The following PDE10A variants were observed in gnomAD, a reference collection of about 807,000 sequenced individuals.
PDE10A encodes phosphodiesterase 10A.
In PDE10A, 39 loss-of-function variants were observed where a neutral mutation model predicts 97.7. The ratio of observed to expected loss-of-function variants is 0.40; its 90% confidence interval spans 0.31 to 0.52. The LOEUF (loss-of-function observed/expected upper bound fraction) is 0.52. PDE10A is among the 20% of genes least tolerant of loss of function. The probability of loss-of-function intolerance (pLI) is 0.56; values close to 1 mark genes in which losing one functional copy is unlikely to be tolerated. For missense variants in PDE10A, 731 were observed against 1,047.8 expected (o/e 0.70, Z 4.17); for synonymous variants, 371 against 376.8 (o/e 0.98, Z 0.18).
chr6:165,465,857 C>T (rs943921430), intron 3 of PDE10A, among the ~76,000 whole-genome samples: 1 of 152,136 alleles, frequency 6.6e-6, no homozygotes. Flanking sequence ...AAAGCCAAAC[C>T]ATATCAGGTA....
chr6:165,970,577 G>T (rs1042768196), intron 1 of PDE10A, among the ~76,000 whole-genome samples: 4 of 152,064 alleles, frequency 2.6e-5, no homozygotes, highest in Admixed American at 6.5e-5. Flanking sequence ...TTTAATAGAA[G>T]AAATGACTCC....
rs766320057 is a variant in PDE10A, at chr6:165,819,873, T to G, written c.-615+167656A>C. On this transcript the variant is annotated intron_variant, in intron 1 of 19. Transcript: ENST00000366882. This position sits in a 1 kb window ranked among gnomAD's most constrained non-coding sequence, Gnocchi z 4.2. ...ATCATCATATTACTACATTGTTGAA[T>G]GTTATTCAGCTCTGTTTGTATGTAA... Among the ~76,000 whole-genome samples, 41 of 152,196 alleles carry G rather than the reference T, an allele frequency of 2.7e-4. No individual in the cohort carries two copies. The highest frequency in any genetic ancestry group is 4.8e-4 in the Non-Finnish European group (33 of 68,042).
intron 1 of PDE10A, among the ~76,000 whole-genome samples, chr6:165,638,134 G>C (rs546733840): frequency 2.0e-3 from 303 of 152,232 alleles, no homozygotes; most frequent in African/African-American, 7.0e-3. Context: ...CAAAGATTAT[G>C]CCTTTGTGAA....
chr6:165,811,596 G>A (rs576092221), intron 1 of PDE10A, among the ~76,000 whole-genome samples: 35 of 152,322 alleles, frequency 2.3e-4, no homozygotes, highest in African/African-American at 7.9e-4. Context: ...TTGGACTCCA[G>A]GAGGATAAGA....
At chr6:165,881,893 A>C (rs535226129) in intron 1 of PDE10A, among the ~76,000 whole-genome samples, 1 of 152,312 alleles carries the variant, frequency 6.6e-6, no homozygotes, top group East Asian at 1.9e-4. Flanking sequence ...TCACTTGAAA[A>C]AACATTGCCC....
At chr6:165,432,268 G>T (rs1026235216) in intron 7 of PDE10A, among the ~76,000 whole-genome samples, 1 of 152,200 alleles carries the variant, frequency 6.6e-6, no homozygotes, top group African/African-American at 2.4e-5. Context: ...CCATTCAAAT[G>T]TACATGAAGT....
At chr6:165,954,366 G>A (rs1784064737) in intron 1 of PDE10A, among the ~76,000 whole-genome samples, 1 of 152,182 alleles carries the variant, frequency 6.6e-6, no homozygotes, top group Admixed American at 6.5e-5. Flanking sequence ...CGTGGTGGCT[G>A]CATAATAACT....
intron 3 of PDE10A, among the ~76,000 whole-genome samples, chr6:165,473,432 G>A (rs1007637756): frequency 8.5e-5 from 13 of 152,136 alleles, no homozygotes; most frequent in African/African-American, 2.2e-4. Flanking sequence ...GTTGGAAGTC[G>A]TCTTCAGAAG....
intron 1 of PDE10A, among the ~76,000 whole-genome samples, chr6:165,975,804 G>A (rs747322732): frequency 1.1e-4 from 16 of 152,202 alleles, no homozygotes; most frequent in Non-Finnish European, 1.5e-4. Flanking sequence ...TTTGGTAGTA[G>A]GGACACAGGA....
rs916019524 is a variant in PDE10A, at chr6:165,865,229, T to C, written c.-615+122300A>G. Among the ~76,000 whole-genome samples the C allele has an allele frequency of 3.3e-5, 5 of 152,336 alleles. No homozygotes were observed. In the South Asian group the frequency reaches 8.3e-4, roughly 25 times the overall value. On this transcript the variant is annotated intron_variant, in intron 1 of 19. Coordinates refer to the PDE10A transcript ENST00000366882. ...AGAAATCACAAGGAGACTACTCTAC[T>C]GTGCTCACCCAGAATCAAAGATAAA...
intron 1 of PDE10A, among the ~76,000 whole-genome samples, chr6:165,626,598 C>A (rs930087823): frequency 6.6e-6 from 1 of 152,186 alleles, no homozygotes; most frequent in Non-Finnish European, 1.5e-5. Context: ...TCACAGCTTA[C>A]CTAAAATACC....
intron 1 of PDE10A, among the ~76,000 whole-genome samples, chr6:165,689,661 G>A (rs904516720): frequency 4.6e-5 from 7 of 152,154 alleles, no homozygotes; most frequent in Middle Eastern, 3.4e-3. Flanking sequence ...TTCCTCTTCC[G>A]CCGTGAGCGG....
chr6:165,542,840 G>T (rs928785949), intron 2 of PDE10A, among the ~76,000 whole-genome samples: 1 of 151,730 alleles, frequency 6.6e-6, no homozygotes, highest in Admixed American at 6.6e-5. Flanking sequence ...GGATGGTCTC[G>T]ATCTCCTGAC....
chr6:165,581,119 A>G (rs1454475556), intron 1 of PDE10A, among the ~76,000 whole-genome samples: 1 of 152,254 alleles, frequency 6.6e-6, no homozygotes, highest in African/African-American at 2.4e-5. Flanking sequence ...AAAACCTGTC[A>G]ACAGTTTCAA....
At chr6:165,947,384 T>C (rs1783806751) in intron 1 of PDE10A, among the ~76,000 whole-genome samples, 1 of 152,244 alleles carries the variant, frequency 6.6e-6, no homozygotes, top group African/African-American at 2.4e-5. Flanking sequence ...ATTGTACAGC[T>C]ACTTTTTCTC....
intron 13 of PDE10A, among the ~76,000 whole-genome samples, 155 bp downstream of exon 13, chr6:165,413,346 C>T (rs1788043392): frequency 1.3e-5 from 2 of 150,466 alleles, no homozygotes; most frequent in Non-Finnish European, 2.9e-5. Flanking sequence ...CATTTTATGA[C>T]ATTTTCTAAA....
intron 1 of PDE10A, among the ~76,000 whole-genome samples, chr6:165,612,343 T>TCA (rs1787534307): frequency 2.0e-5 from 3 of 152,006 alleles, no homozygotes; most frequent in Admixed American, 6.6e-5. Context: ...AAAACAGTCC[T>TCA]CACATTAGAA....
At chr6:165,873,535 G>A (rs1781257674) in intron 1 of PDE10A, among the ~76,000 whole-genome samples, 1 of 152,072 alleles carries the variant, frequency 6.6e-6, no homozygotes, top group Admixed American at 6.5e-5. Flanking sequence ...CCGCAAGAGA[G>A]CAACACCTGC....
chr6:165,621,969 T>A (rs1788160929), intron 1 of PDE10A, among the ~76,000 whole-genome samples: 1 of 152,208 alleles, frequency 6.6e-6, no homozygotes, highest in Admixed American at 6.5e-5. Flanking sequence ...TTTTAAAATG[T>A]GATTAACATT....
Sources: allele counts gnomAD v4.1 joint callset (sites outside exome capture counted in the v4.1 genomes callset), GRCh38; gene constraint gnomAD v4.1.1; non-coding constraint Gnocchi (gnomAD v3.1); transcripts MANE v1.5; gene names NCBI Gene and HGNC (gene_info 2026-07-23, HGNC 2026-07-21).